Variants in ATF1 observed in about 807,000 individuals in gnomAD.
ATF1 encodes the protein activating transcription factor 1, also known as cyclic AMP-dependent transcription factor ATF-1.
ATF1 carries 16 observed loss-of-function variants against 34.7 expected under a neutral mutation model. That is an observed-to-expected ratio of 0.46 (90% CI 0.31 to 0.70). The LOEUF (loss-of-function observed/expected upper bound fraction) is 0.70, where lower values mean the gene tolerates loss of function less well. Ranked by LOEUF, ATF1 falls within the 30% of genes least tolerant of loss-of-function variation. ATF1 has a pLI of 0.05. For missense variants in ATF1, 255 were observed against 321.6 expected (o/e 0.79, Z 1.58); for synonymous variants, 105 against 113.1 (o/e 0.93, Z 0.46).
Position 50,819,787 on chromosome 12 carries a change from G to C in ATF1, c.*8G>C, listed in dbSNP as rs1256318847. ...TCCAATAAAAGTGTTTGATTCCTAA[G>C]AAAGAAAATATTTTTGTGGACATGC... On this transcript the variant is annotated 3_prime_UTR_variant, in exon 7 of 7. Coordinates refer to ENST00000262053, the MANE Select transcript of ATF1 (RefSeq NM_005171.5). 4.0e-6 allele frequency: 6 copies of C among 1,504,642 alleles called. No homozygotes were observed. Among genetic ancestry groups the C allele is most frequent in the Non-Finnish European group, 5.4e-6 (6 of 1,108,774 alleles). 93.2% of individuals were successfully genotyped at this position (1,504,642 alleles called of 1,614,324 possible).
intron 1 of ATF1, among the ~76,000 whole-genome samples, chr12:50,779,568 CT>C (rs1365325605): frequency 1.3e-5 from 2 of 148,486 alleles, no homozygotes; most frequent in African/African-American, 5.0e-5. Context: ...TTTTTTTGGC[CT>C]TTCCAGGTAA....
rs552454315 is a variant in ATF1 at position 50,800,825 on chromosome 12, C to T, written c.194+4816C>T. Among the ~76,000 whole-genome samples the T allele has an allele frequency of 7.9e-5, 12 of 152,112 alleles. No individual in the cohort carries two copies. In the East Asian group the frequency reaches 9.6e-4, roughly 12 times the overall value. ...CTTTAAAATATATTTGATGGCTGGG[C>T]GCGGTGGCTCATGCCTGTAATCCCA... On this transcript the variant is annotated intron_variant, in intron 3 of 6. Coordinates refer to ENST00000262053, the MANE Select transcript of ATF1 (RefSeq NM_005171.5).
chr12:50,814,170 C>G lies in ATF1; in HGVS notation c.489C>G (p.Pro163=). Reference sequence around the variant, plus strand: ...CTGATGGACAGCAGATACTTGTGCCCAGCAATCAGGTGGTCGTACAAAGTA... The same window carrying G: ...CTGATGGACAGCAGATACTTGTGCCGAGCAATCAGGTGGTCGTACAAAGTA... ...QTSDGQQILV[P]SNQVVVQTAS... The change falls in exon 5 of 7, where the codon CCC becomes CCG. Residue 163 remains proline (P), a synonymous_variant. Coordinates refer to ENST00000262053, the MANE Select transcript of ATF1 (RefSeq NM_005171.5). 1.9e-6 allele frequency: 3 copies of G among 1,613,960 alleles called. No individual in the cohort carries two copies. The South Asian group carries it at 3.3e-5, about 18-fold the overall frequency.
upstream of ATF1, chr12:50,763,944 T>G (rs1022185100): frequency 1.3e-5 from 2 of 152,214 alleles, no homozygotes; most frequent in African/African-American, 4.8e-5. Context: ...GCGTACAAGA[T>G]GGCGGCGCGT....
Position 50,780,020 on chromosome 12 carries a change from C to G in ATF1, c.-6-120C>G, listed in dbSNP as rs968076289. On this transcript the variant is annotated intron_variant, in intron 1 of 6. Transcript: ENST00000262053. The stretch of plus-strand genomic sequence containing the variant: ...CACAGTCCCCTTTCTATCTCTATAC[C>G]ATTGCTACCAGTTCTTTTCCATTGA... 3.8e-5 allele frequency: 24 copies of G among 629,804 alleles called. No individual in the cohort carries two copies. The African/African-American group carries it at 4.1e-4, about 11-fold the overall frequency. The allele number at this position is 629,804 out of a possible 1,614,324, so 39.0% of individuals were successfully genotyped here. A position where few individuals can be genotyped will look rare whatever the true frequency, so the allele number is the denominator to read the frequency against.
intron 6 of ATF1, among the ~76,000 whole-genome samples, 169 bp from the exon 7 acceptor site, chr12:50,819,466 A>G (rs2139703482): frequency 6.6e-6 from 1 of 152,332 alleles, no homozygotes; most frequent in East Asian, 1.9e-4. Flanking sequence ...ACAGGTATAC[A>G]CAATTGCCAA....
chr12:50,799,795 A>G (rs1384139015), intron 3 of ATF1, among the ~76,000 whole-genome samples: 4 of 152,244 alleles, frequency 2.6e-5, no homozygotes, highest in Admixed American at 1.3e-4. Flanking sequence ...AGATTATTCA[A>G]TGGATATTAT....
chr12:50,794,598 A>G (rs1172519219), intron 2 of ATF1, among the ~76,000 whole-genome samples: 2 of 151,864 alleles, frequency 1.3e-5, no homozygotes, highest in African/African-American at 4.8e-5. Flanking sequence ...GTCGGATATC[A>G]CAATCTAACT....
At chr12:50,773,093 A>G (rs1174395805) in intron 1 of ATF1, among the ~76,000 whole-genome samples, 1 of 152,188 alleles carries the variant, frequency 6.6e-6, no homozygotes, top group Non-Finnish European at 1.5e-5. Context: ...TGCAGAGGAC[A>G]TTATCTCTTT....
intron 1 of ATF1, among the ~76,000 whole-genome samples, chr12:50,772,825 T>C (rs4768921): frequency 0.24 from 35,813 of 151,974 alleles, 4,979 homozygotes; most frequent in East Asian, 0.4. Context: ...TAGGTAAACA[T>C]GTGCCATGAT....
intron 1 of ATF1, among the ~76,000 whole-genome samples, chr12:50,765,254 GT>G (rs1032475951): frequency 1.2e-4 from 19 of 152,224 alleles, no homozygotes; most frequent in African/African-American, 4.3e-4. Context: ...TTAACCTGAG[GT>G]TTTTGTTAAC....
At chr12:50,791,455 C>T (rs1264796274) in intron 2 of ATF1, among the ~76,000 whole-genome samples, 1 of 151,900 alleles carries the variant, frequency 6.6e-6, no homozygotes, top group Non-Finnish European at 1.5e-5. Flanking sequence ...ACTCTGGAGG[C>T]TGAGGTAGGA....
At chr12:50,772,412 C>T (rs1293618412) in intron 1 of ATF1, among the ~76,000 whole-genome samples, 6 of 150,384 alleles carry the variant, frequency 4.0e-5, no homozygotes, top group South Asian at 2.1e-4. Context: ...CCGCAACCTA[C>T]GCCTCCTGGA....
chr12:50,764,828 C>A (rs1283186659), intron 1 of ATF1, among the ~76,000 whole-genome samples: 1 of 152,266 alleles, frequency 6.6e-6, no homozygotes, highest in African/African-American at 2.4e-5. Flanking sequence ...GGGCAACCGA[C>A]GCACGGGCAT....
chr12:50,805,301 A>T (rs1485652545), intron 3 of ATF1, among the ~76,000 whole-genome samples: 1 of 150,366 alleles, frequency 6.7e-6, no homozygotes, highest in East Asian at 2.1e-4. Flanking sequence ...CATGCCTGTA[A>T]TCCCAGCACT....
intron 6 of ATF1, 61 bp from the exon 7 acceptor site, chr12:50,819,574 A>T: frequency 1.3e-5 from 20 of 1,569,028 alleles, no homozygotes; most frequent in Non-Finnish European, 1.7e-5. Context: ...ACTGAAGAAC[A>T]TTTACCATTT....
chr12:50,787,856 C>T (rs369527491), intron 2 of ATF1, among the ~76,000 whole-genome samples: 9 of 151,986 alleles, frequency 5.9e-5, no homozygotes, highest in South Asian at 4.1e-4. Flanking sequence ...TTACCCACAA[C>T]GAAAACAGAG....
chr12:50,793,408 G>A (rs557976627), intron 2 of ATF1, among the ~76,000 whole-genome samples: 40 of 152,124 alleles, frequency 2.6e-4, no homozygotes, highest in Admixed American at 5.2e-4. Context: ...GGCGGATCAC[G>A]AGGTCAGGAG....
intron 1 of ATF1, chr12:50,764,704 C>A (rs926999613): frequency 6.6e-6 from 1 of 152,300 alleles, no homozygotes; most frequent in Non-Finnish European, 1.5e-5. Flanking sequence ...GCGGTGTCCG[C>A]CGAGCGGAGC....
Sources: gnomAD v4.1 joint callset for allele counts (sites outside exome capture counted in the v4.1 genomes callset) on GRCh38, gnomAD v4.1.1 for gene constraint, MANE v1.5 for transcripts, NCBI Gene and HGNC (gene_info 2026-07-23, HGNC 2026-07-21) for gene names.